Variants in ABCC1 observed in about 807,000 individuals in gnomAD.
The protein encoded by ABCC1 is multidrug resistance-associated protein 1.
A neutral mutation model predicts 172.9 loss-of-function variants in ABCC1; 83 were observed. The ratio of observed to expected loss-of-function variants is 0.48; its 90% CI spans 0.40 to 0.58. The LOEUF is 0.58. Ranked by LOEUF, ABCC1 falls within the 20% of genes least tolerant of loss-of-function variation. The pLI is 0.00. For missense variants in ABCC1, 1,817 were observed against 2,002.7 expected, an observed-to-expected ratio of 0.91 and a Z score of 1.77; for synonymous variants, 937 against 825.2, an observed-to-expected ratio of 1.14 and a Z score of -2.32.
chr16:16,071,648 G>A lies in ABCC1; in HGVS notation c.1831G>A (p.Val611Ile). ...GCCATTGCTCTCTGTACAGGCGAGTGTCTCCCTCAAACGCCTGAGGATCTT... is the reference window on the plus strand; with the variant it reads ...GCCATTGCTCTCTGTACAGGCGAGTATCTCCCTCAAACGCCTGAGGATCTT... Reference protein sequence around the residue: ...MVISSIVQASVSLKRLRIFLS... With the variant: ...MVISSIVQASISLKRLRIFLS... Residue 611 changes from valine to isoleucine, a missense_variant, in exon 14 of 31, where the codon GTC (valine) becomes ATC (isoleucine). This residue lies in a region of ABCC1 where 1,412 missense variants were observed against 1,600.3 expected (regional missense o/e 0.88). Coordinates refer to ENST00000399410, the MANE Select transcript of ABCC1 (RefSeq NM_004996.4). 6 of 1,613,892 alleles carry A rather than the reference G, an allele frequency of 3.7e-6. No homozygotes were observed. Among genetic ancestry groups the A allele is most frequent in the Non-Finnish European group, 5.1e-6 (6 of 1,179,902 alleles).
rs1359995511 is a variant in ABCC1, at chr16:15,969,286, T to C, written c.48+19487T>C. 2.6e-5 allele frequency among the ~76,000 whole-genome samples: 4 copies of C among 152,194 alleles called. No individual in the cohort carries two copies. The East Asian group carries it at 7.7e-4, about 29-fold the overall frequency. On this transcript the variant is annotated intron_variant, in intron 1 of 30. Transcript: ENST00000399410. ...CTTGATTATGATGCATTTTTGTTAA[T>C]TGATATTTAATTGCAGATGAAATGT...
Position 16,056,326 on chromosome 16 carries a change from A to C in ABCC1, c.1677+31A>C, listed in dbSNP as rs778954241. On this transcript the variant is annotated intron_variant, in intron 12 of 30. Transcript: ENST00000399410. ...TGAAGCCACATTTTTCCTGGCCCTCATTGTTTGATGTTTTATTTTCTCTGC... is the reference window on the plus strand; with the variant it reads ...TGAAGCCACATTTTTCCTGGCCCTCCTTGTTTGATGTTTTATTTTCTCTGC... 1.4e-5 allele frequency: 23 copies of C among 1,611,690 alleles called. No homozygotes were observed. The East Asian group carries it at 5.1e-4, about 36-fold the overall frequency.
At chr16:16,103,470 C>T (rs925610833) in intron 20 of ABCC1, among the ~76,000 whole-genome samples, 5 of 151,920 alleles carry the variant, frequency 3.3e-5, no homozygotes, top group African/African-American at 2.4e-5. Context: ...GTCCCAGCTA[C>T]TCGGGAGGCT....
chr16:15,960,012 G>A (rs1163754693), intron 1 of ABCC1, among the ~76,000 whole-genome samples: 1 of 152,164 alleles, frequency 6.6e-6, no homozygotes, highest in African/African-American at 2.4e-5. Context: ...GAACCTCAGT[G>A]TACCTTTTAC....
intron 3 of ABCC1, among the ~76,000 whole-genome samples, chr16:16,011,188 G>A (rs1240745799): frequency 6.6e-6 from 1 of 151,926 alleles, no homozygotes; most frequent in Non-Finnish European, 1.5e-5. Context: ...AGCCGAGATC[G>A]CACCACTGTG....
At chr16:16,059,974 G>A (rs1336624280) in intron 12 of ABCC1, among the ~76,000 whole-genome samples, 1 of 151,948 alleles carries the variant, frequency 6.6e-6, no homozygotes, top group Non-Finnish European at 1.5e-5. Context: ...CTAAGCCTGG[G>A]CAACAGAACA....
Position 16,044,442 on chromosome 16 carries a change from T to C in ABCC1, c.810-8T>C. On this transcript the variant is annotated splice_region_variant and splice_polypyrimidine_tract_variant and intron_variant, in intron 7 of 30. Coordinates refer to ENST00000399410, the MANE Select transcript of ABCC1 (RefSeq NM_004996.4). ...ACCCCACAACGGCTTCACCTCCTTGTGTTCCAGGCAGCCGGTGAAGGTTGT... is the reference window on the plus strand; with the variant it reads ...ACCCCACAACGGCTTCACCTCCTTGCGTTCCAGGCAGCCGGTGAAGGTTGT... 1 of 1,612,588 alleles carries C rather than the reference T, an allele frequency of 6.2e-7. No homozygotes were observed. Among genetic ancestry groups the C allele is most frequent in the Non-Finnish European group, 8.5e-7 (1 of 1,178,824 alleles).
At chr16:16,000,501 C>T (rs1275740994) in intron 1 of ABCC1, among the ~76,000 whole-genome samples, 1 of 152,066 alleles carries the variant, frequency 6.6e-6, no homozygotes, top group Non-Finnish European at 1.5e-5. Context: ...AAGTGACTTG[C>T]CCAAGTTCAC....
At chr16:16,021,621 G>T (rs1316973225) in intron 5 of ABCC1, among the ~76,000 whole-genome samples, 1 of 152,166 alleles carries the variant, frequency 6.6e-6, no homozygotes, top group African/African-American at 2.4e-5. Context: ...GGAGGCAGAG[G>T]CAGGAGAATT....
intron 1 of ABCC1, among the ~76,000 whole-genome samples, chr16:15,950,291 A>G (rs2045839001): frequency 6.6e-6 from 1 of 152,180 alleles, no homozygotes; most frequent in Admixed American, 6.5e-5. Context: ...TGTCTCCCCA[A>G]AGTTGTCGTA....
chr16:16,047,824 C>T (rs1351381313), intron 9 of ABCC1, among the ~76,000 whole-genome samples: 2 of 150,572 alleles, frequency 1.3e-5, no homozygotes, highest in East Asian at 3.9e-4. Context: ...CAACTCCCCC[C>T]ACCCCCCACC....
intron 1 of ABCC1, among the ~76,000 whole-genome samples, chr16:15,987,001 C>A (rs2046759899): frequency 6.6e-6 from 1 of 152,078 alleles, no homozygotes; most frequent in Non-Finnish European, 1.5e-5. Flanking sequence ...CCCATCTCTC[C>A]TAAAAATAGA....
At chr16:16,091,140 G>T (rs1422688430) in intron 19 of ABCC1, among the ~76,000 whole-genome samples, 1 of 152,026 alleles carries the variant, frequency 6.6e-6, no homozygotes, top group East Asian at 1.9e-4. Flanking sequence ...AAGCAGTTCA[G>T]CAGGGCCAGA....
Position 16,131,907 on chromosome 16 carries a change from T to G in ABCC1, c.3938T>G (p.Ile1313Ser). The G allele has an allele frequency of 6.2e-7, 1 of 1,613,928 alleles. No individual in the cohort carries two copies. Among genetic ancestry groups the G allele is most frequent in the Non-Finnish European group, 8.5e-7 (1 of 1,179,970 alleles). ...GACCTGGACTTCGTTCTCAGGCACA[T>G]CAATGTCACGATCAATGGGGGAGAA... The part of the protein sequence containing the change: ...REDLDFVLRH[I>S]NVTINGGEKV... The change falls in exon 27 of 31, where the codon ATC becomes AGC. Residue 1313 changes from isoleucine (I) to serine (S), a missense_variant. Around this residue, in one of 3 missense-constraint regions of ABCC1, gnomAD observed 1,412 missense variants for 1,600.3 expected, o/e 0.88. Transcript: ENST00000399410.
chr16:15,949,509 A>T (rs562009107), upstream of ABCC1: 1 of 25,758 alleles, frequency 3.9e-5, no homozygotes, highest in Non-Finnish European at 7.3e-5. Context: ...GAGACGCGCG[A>T]GGTGAGCGGG....
At chr16:16,030,831 G>A (rs1391231565) in intron 5 of ABCC1, among the ~76,000 whole-genome samples, 1 of 151,932 alleles carries the variant, frequency 6.6e-6, no homozygotes, top group Non-Finnish European at 1.5e-5. Context: ...GCCTGGTGCG[G>A]GTAGGGCCCG....
intron 20 of ABCC1, among the ~76,000 whole-genome samples, chr16:16,104,740 C>T (rs1158225678): frequency 4.6e-5 from 7 of 152,226 alleles, no homozygotes; most frequent in South Asian, 2.1e-4. Flanking sequence ...CCGGGAGGCT[C>T]GGGCCGCGCA....
chr16:15,972,939 C>A (rs2046402524), intron 1 of ABCC1, among the ~76,000 whole-genome samples: 1 of 151,780 alleles, frequency 6.6e-6, no homozygotes, highest in African/African-American at 2.4e-5. Flanking sequence ...GCTGGGACTA[C>A]CACATGCACC....
intron 1 of ABCC1, among the ~76,000 whole-genome samples, chr16:15,983,654 C>A (rs2046679910): frequency 6.7e-6 from 1 of 148,876 alleles, no homozygotes; most frequent in Admixed American, 6.9e-5. Flanking sequence ...TTCCCAGGTT[C>A]AAGCAATCCT....
Sources: allele counts gnomAD v4.1 joint callset (sites outside exome capture counted in the v4.1 genomes callset), GRCh38; gene constraint gnomAD v4.1.1; regional missense constraint gnomAD v4.1.1; transcripts MANE v1.5; gene names NCBI Gene and HGNC (gene_info 2026-07-23, HGNC 2026-07-21).